KLHL29: variants seen among roughly 807,000 people sequenced by gnomAD.
KLHL29 encodes kelch-like protein 29.
A neutral mutation model predicts 80.4 loss-of-function variants in KLHL29; 21 were observed. The observed-to-expected ratio is 0.26, with a 90% CI of 0.19 to 0.38. The LOEUF is 0.38. KLHL29 is among the 10% of genes least tolerant of loss of function. The pLI, the probability that KLHL29 is intolerant of heterozygous loss-of-function variation, is 1.00. For synonymous variants in KLHL29, 511 were observed against 526.8 expected (o/e 0.97, Z 0.41); for missense variants, 867 against 1,223.9 (o/e 0.71, Z 4.35).
At chr2:23,564,451 C>A (rs1352191455) in intron 3 of KLHL29, among the ~76,000 whole-genome samples, 5 of 152,212 alleles carry the variant, frequency 3.3e-5, no homozygotes, top group Admixed American at 2.0e-4. Context: ...AACAGAGGAA[C>A]TGAATTCTGC....
chr2:23,625,943 A>C (rs568654622), intron 3 of KLHL29, among the ~76,000 whole-genome samples: 2 of 152,340 alleles, frequency 1.3e-5, no homozygotes, highest in African/African-American at 4.8e-5. Flanking sequence ...AGCCCTCCCC[A>C]GAACCTGCCC....
chr2:23,531,564 A>C (rs774495665), intron 2 of KLHL29, among the ~76,000 whole-genome samples: 11 of 152,218 alleles, frequency 7.2e-5, no homozygotes, highest in Admixed American at 2.0e-4. Context: ...TTCACTTGCC[A>C]GTAATATCTA....
intron 2 of KLHL29, chr2:23,524,487 G>A (rs1666231548): frequency 6.4e-6 from 1 of 157,256 alleles, no homozygotes; most frequent in Non-Finnish European, 1.4e-5. Context: ...GCGTGCACTG[G>A]TGCCAGGGTG....
Position 23,562,551 on chromosome 2 carries a change from GC to G in KLHL29, c.285+74del. The G allele has an allele frequency of 6.8e-7, 1 of 1,472,086 alleles. No individual in the cohort carries two copies. The highest frequency in any genetic ancestry group is 9.1e-7 in the Non-Finnish European group (1 of 1,101,888). The allele number at this position is 1,472,086 out of a possible 1,614,324, so 91.2% of individuals were successfully genotyped here. On this transcript the variant is annotated intron_variant, in intron 3 of 13. Coordinates refer to ENST00000486442, the MANE Select transcript of KLHL29 (RefSeq NM_052920.2). This position sits in a 1 kb window ranked among gnomAD's most constrained non-coding sequence, Gnocchi z 4.5. The stretch of plus-strand genomic sequence containing the variant: ...CCTGCCTCCCTGCAGGCTCAGGCCA[GC>G]CCCACAGGCTCCTGTGGGGCAGCCT...
At chr2:23,481,063 C>T (rs924895040) in intron 2 of KLHL29, among the ~76,000 whole-genome samples, 4 of 152,332 alleles carry the variant, frequency 2.6e-5, no homozygotes, top group African/African-American at 9.6e-5. Context: ...TCAACTCTGG[C>T]TGCCTATGAC....
intron 2 of KLHL29, among the ~76,000 whole-genome samples, chr2:23,492,741 GAA>G (rs1228656080): frequency 6.6e-6 from 1 of 152,126 alleles, no homozygotes. Context: ...GGGAAGGAAG[GAA>G]AAAGAGAGGT....
At chr2:23,512,418 C>T (rs1005566407) in intron 2 of KLHL29, among the ~76,000 whole-genome samples, 2 of 149,496 alleles carry the variant, frequency 1.3e-5, no homozygotes, top group African/African-American at 5.0e-5. Flanking sequence ...GCACTCCAGC[C>T]TGGGCAACAA....
intron 2 of KLHL29, among the ~76,000 whole-genome samples, chr2:23,552,185 A>G (rs1261734184): frequency 6.6e-6 from 1 of 152,162 alleles, no homozygotes; most frequent in Admixed American, 6.5e-5. Flanking sequence ...TGTAACTGAA[A>G]CTTCGTGTCT....
At chr2:23,628,134 A>G (rs1572449712) in intron 3 of KLHL29, among the ~76,000 whole-genome samples, 1 of 151,858 alleles carries the variant, frequency 6.6e-6, no homozygotes, top group South Asian at 2.1e-4. Flanking sequence ...CTGGTCTCGA[A>G]CTCCTGACCT....
intron 11 of KLHL29, among the ~76,000 whole-genome samples, chr2:23,701,932 G>A (rs1672412981): frequency 6.6e-6 from 1 of 151,648 alleles, no homozygotes; most frequent in Non-Finnish European, 1.5e-5. Flanking sequence ...GGGTAGCTGG[G>A]TAGCTGGGTA....
intron 5 of KLHL29, among the ~76,000 whole-genome samples, chr2:23,645,213 A>G (rs1277193292): frequency 1.3e-5 from 2 of 152,176 alleles, no homozygotes; most frequent in African/African-American, 2.4e-5. Context: ...ATGTCAAACA[A>G]CTGCATATTT....
At chr2:23,612,666 C>G (rs542875361) in intron 3 of KLHL29, among the ~76,000 whole-genome samples, 2 of 152,016 alleles carry the variant, frequency 1.3e-5, no homozygotes, top group African/African-American at 2.4e-5. Flanking sequence ...TTCTTGAACC[C>G]GGGAGGCTGA....
chr2:23,556,652 C>CA (rs397687330), intron 2 of KLHL29, among the ~76,000 whole-genome samples: 4,318 of 132,292 alleles, frequency 0.033, 184 homozygotes, highest in African/African-American at 0.1. Context: ...GACTCCATCT[C>CA]AAAAAAAAAA....
chr2:23,396,351 G>C (rs1403694889), intron 1 of KLHL29, among the ~76,000 whole-genome samples: 1 of 152,212 alleles, frequency 6.6e-6, no homozygotes, highest in Non-Finnish European at 1.5e-5. Flanking sequence ...AGGCCAATTT[G>C]TTGCAATGCT....
At chr2:23,590,976 A>C (rs1487064780) in intron 3 of KLHL29, among the ~76,000 whole-genome samples, 1 of 152,176 alleles carries the variant, frequency 6.6e-6, no homozygotes, top group Non-Finnish European at 1.5e-5. Flanking sequence ...ATGACAAAAT[A>C]AGTCAGGAAA....
intron 3 of KLHL29, among the ~76,000 whole-genome samples, chr2:23,587,644 A>G (rs374380175): frequency 6.6e-6 from 1 of 152,118 alleles, no homozygotes; most frequent in Admixed American, 6.5e-5. Flanking sequence ...ATATTTGAGA[A>G]TGTTTGCTGG....
At chr2:23,491,889 C>G (rs1237819475) in intron 2 of KLHL29, among the ~76,000 whole-genome samples, 1 of 152,278 alleles carries the variant, frequency 6.6e-6, no homozygotes, top group Admixed American at 6.5e-5. Flanking sequence ...CCTGAGAGTG[C>G]ATCTCGCCTC....
chr2:23,662,658 G>A (rs1036468496), intron 5 of KLHL29, among the ~76,000 whole-genome samples: 1 of 152,118 alleles, frequency 6.6e-6, no homozygotes, highest in Non-Finnish European at 1.5e-5. Flanking sequence ...GATCCCCCTG[G>A]GTTTTGCCTT....
rs545860060 is a variant in KLHL29 at position 23,439,307 on chromosome 2, T to G, written c.-153-36253T>G. On this transcript the variant is annotated intron_variant, in intron 1 of 13. Transcript: ENST00000486442. ...TTGAAGGGTTTTTTTTGTCTTCATT[T>G]CCTTCAGTTCTGCTCTGATTTTAGT... is the stretch of plus-strand genomic sequence containing the variant. Among the ~76,000 whole-genome samples, 355 of 152,318 alleles carry G rather than the reference T, an allele frequency of 2.3e-3. 1 individual carries two copies. Among genetic ancestry groups the G allele is most frequent in the Middle Eastern group, 6.8e-3 (2 of 294 alleles).
Sources: gnomAD v4.1 joint callset for allele counts (sites outside exome capture counted in the v4.1 genomes callset) on GRCh38, gnomAD v4.1.1 for gene constraint, Gnocchi (gnomAD v3.1) non-coding constraint, MANE v1.5 for transcripts, NCBI Gene and HGNC (gene_info 2026-07-23, HGNC 2026-07-21) for gene names.